Variants in ATP2C2 observed in about 807,000 individuals in gnomAD.
The protein encoded by ATP2C2 is ATPase secretory pathway Ca2+ transporting 2.
Under a neutral mutation model 110.8 loss-of-function variants are expected in ATP2C2, and 171 were observed. That is an observed-to-expected ratio of 1.54 (90% CI 1.36 to 1.75). The LOEUF is 1.75. Ranked by LOEUF, ATP2C2 falls within the 40% of genes most tolerant of loss-of-function variation. The probability of loss-of-function intolerance (pLI) is 0.00; values close to 1 mark genes in which losing one functional copy is unlikely to be tolerated. For synonymous variants in ATP2C2, 804 were observed against 508.4 expected, an observed-to-expected ratio of 1.58 and a Z score of -7.82; for missense variants, 1,963 against 1,235.0, an observed-to-expected ratio of 1.59 and a Z score of -8.84.
intron 10 of ATP2C2, among the ~76,000 whole-genome samples, chr16:84,423,908 T>C (rs1907574556): frequency 6.6e-6 from 1 of 152,182 alleles, no homozygotes; most frequent in African/African-American, 2.4e-5. Flanking sequence ...GATGCTGCGG[T>C]TCTGAATCTA....
At chr16:84,403,780 T>A (rs1406550722) in intron 2 of ATP2C2, among the ~76,000 whole-genome samples, 1 of 151,910 alleles carries the variant, frequency 6.6e-6, no homozygotes, top group African/African-American at 2.4e-5. Flanking sequence ...AACCTCCGCC[T>A]CCCAGCTTCA....
chr16:84,441,654 C>T (rs1016321296), intron 14 of ATP2C2, among the ~76,000 whole-genome samples: 7 of 152,222 alleles, frequency 4.6e-5, no homozygotes, highest in African/African-American at 1.7e-4. Flanking sequence ...GGCGTGGTGG[C>T]TCATGCCTAT....
chr16:84,398,813 C>T (rs1704210990), intron 2 of ATP2C2, among the ~76,000 whole-genome samples: 3 of 152,206 alleles, frequency 2.0e-5, no homozygotes. Flanking sequence ...CTTCACCAGG[C>T]CCTTACCGGA....
rs145943431 is a variant in ATP2C2, at chr16:84,427,206, A to G, written c.986+1405A>G. 3.2e-3 allele frequency among the ~76,000 whole-genome samples: 487 copies of G among 152,310 alleles called. 2 individuals are homozygous for G. The highest frequency in any genetic ancestry group is 0.011 in the African/African-American group (459 of 41,566). On this transcript the variant is annotated intron_variant, in intron 11 of 26. Transcript: ENST00000262429. ...CTAGTGTCTGTTCATATGTATATAT[A>G]TGTAATTAATACATCAAACCCATGA...
chr16:84,433,849 C>A (rs1908506565), intron 11 of ATP2C2, among the ~76,000 whole-genome samples: 1 of 152,154 alleles, frequency 6.6e-6, no homozygotes, highest in Non-Finnish European at 1.5e-5. Flanking sequence ...ATTCTCTCCC[C>A]ACCCAGTGCT....
intron 11 of ATP2C2, among the ~76,000 whole-genome samples, chr16:84,433,665 A>G (rs908949948): frequency 7.3e-6 from 1 of 136,078 alleles, no homozygotes; most frequent in African/African-American, 2.9e-5. Context: ...AACAAAACAA[A>G]ACAAACAACA....
rs753417747 is a variant in ATP2C2, at chr16:84,398,479, C to T, written c.100-20C>T. On this transcript the variant is annotated intron_variant, in intron 1 of 26. Transcript: ENST00000262429. Reference sequence around the variant, plus strand: ...TACAAAAGTTCAATCCGCTAAACAGCAACCCTGCTCTTTTCACAGATTGAT... The same window carrying T: ...TACAAAAGTTCAATCCGCTAAACAGTAACCCTGCTCTTTTCACAGATTGAT... The T allele has an allele frequency of 2.1e-5, 32 of 1,537,506 alleles. No individual in the cohort carries two copies. The East Asian group carries it at 6.9e-4, about 33-fold the overall frequency.
At chr16:84,375,952 C>A (rs1040310410) in intron 1 of ATP2C2, among the ~76,000 whole-genome samples, 1 of 151,542 alleles carries the variant, frequency 6.6e-6, no homozygotes, top group Non-Finnish European at 1.5e-5. Context: ...TTTCTGGGCT[C>A]GGTGGGGGTA....
rs532218461 is a variant in ATP2C2 at position 84,463,605 on chromosome 16, C to T, written c.2723-9C>T. 9.1e-5 allele frequency: 146 copies of T among 1,609,036 alleles called. 1 individual carries two copies. The East Asian group carries it at 2.6e-3, about 29-fold the overall frequency. On this transcript the variant is annotated splice_polypyrimidine_tract_variant and intron_variant, in intron 26 of 26. Transcript: ENST00000262429. ...CGTCCTGAATCTTTTCTGTTTTCTC[C>T]CTTGGCAGATTTGCTGTTTTTAACT...
At chr16:84,411,639 G>T (rs767208903) in intron 6 of ATP2C2, among the ~76,000 whole-genome samples, 2 of 152,106 alleles carry the variant, frequency 1.3e-5, no homozygotes, top group African/African-American at 4.8e-5. Context: ...GTGGGGTTTC[G>T]CCACGTTGGC....
At chr16:84,452,236 C>A (rs879188274) in intron 18 of ATP2C2, 145 bp downstream of exon 18, 10 of 1,023,914 alleles carry the variant, frequency 9.8e-6, no homozygotes, top group Admixed American at 2.9e-5. Flanking sequence ...GCTGAGTATT[C>A]GTGTGCCAGC....
rs1158444683 is a variant in ATP2C2, at chr16:84,455,095, G to C, written c.2147+111G>C. 2.2e-6 allele frequency: 3 copies of C among 1,370,474 alleles called. No individual in the cohort carries two copies. The South Asian group carries it at 3.8e-5, about 17-fold the overall frequency. 84.9% of individuals were successfully genotyped at this position (1,370,474 alleles called of 1,614,324 possible). ...AGGGGGGGGTCTCGCGGAGTCCCCA[G>C]GGAGAGCTGAATCTCGGGGCTCGTC... On this transcript the variant is annotated intron_variant, in intron 21 of 26. Transcript: ENST00000262429.
rs139599059 is a variant in ATP2C2, at chr16:84,404,913, C to G, written c.211-215C>G. The G allele has an allele frequency of 3.3e-3, 1,978 of 600,920 alleles. 13 individuals carry two copies. The highest frequency in any genetic ancestry group is 9.1e-3 in the Middle Eastern group (35 of 3,830). 37.2% of individuals were successfully genotyped at this position (600,920 alleles called of 1,614,324 possible). A position where few individuals can be genotyped will look rare whatever the true frequency, so the allele number is the denominator to read the frequency against. ...AAATTTAAGACCAGAGTCGTCTTTT[C>G]TGCTGTAATTATAATGGTCACTGGC... On this transcript the variant is annotated intron_variant, in intron 2 of 26. Coordinates refer to ENST00000262429, the MANE Select transcript of ATP2C2 (RefSeq NM_014861.4).
intron 17 of ATP2C2, among the ~76,000 whole-genome samples, chr16:84,450,367 C>T (rs997508759): frequency 6.6e-6 from 1 of 152,172 alleles, no homozygotes; most frequent in Non-Finnish European, 1.5e-5. Context: ...AGGCCCCCAA[C>T]CTGCTAGATC....
chr16:84,462,244 C>A, intron 26 of ATP2C2, 115 bp downstream of exon 26: 2 of 1,376,050 alleles, frequency 1.5e-6, no homozygotes, highest in South Asian at 2.7e-5. Context: ...CAGAGCTCAC[C>A]AGGGGCCGGC....
intron 6 of ATP2C2, 91 bp downstream of exon 6, chr16:84,410,856 T>C: frequency 7.6e-7 from 1 of 1,319,224 alleles, no homozygotes; most frequent in Non-Finnish European, 1.1e-6. Context: ...GTTGTATCCT[T>C]GGTAGTGTCG....
chr16:84,371,466 CTG>C (rs1484023041), intron 1 of ATP2C2, among the ~76,000 whole-genome samples: 2 of 152,158 alleles, frequency 1.3e-5, no homozygotes, highest in Non-Finnish European at 2.9e-5. Context: ...GATCATGCCA[CTG>C]TGCTCCAGCC....
At chr16:84,438,336 A>C (rs1217376575) in intron 11 of ATP2C2, among the ~76,000 whole-genome samples, 2 of 152,190 alleles carry the variant, frequency 1.3e-5, no homozygotes, top group Non-Finnish European at 2.9e-5. Flanking sequence ...GGCACCAGGC[A>C]TCATACCTTT....
intron 3 of ATP2C2, among the ~76,000 whole-genome samples, chr16:84,406,376 C>A (rs572261882): frequency 2.0e-5 from 3 of 152,306 alleles, no homozygotes; most frequent in South Asian, 2.1e-4. Context: ...GGCCTTAGAT[C>A]CCCTTTTCCA....
Sources: gnomAD v4.1 joint callset for allele counts (sites outside exome capture counted in the v4.1 genomes callset) on GRCh38, gnomAD v4.1.1 for gene constraint, MANE v1.5 for transcripts, NCBI Gene and HGNC (gene_info 2026-07-23, HGNC 2026-07-21) for gene names.